Variants in RFTN2 observed in about 807,000 individuals in gnomAD.
The protein encoded by RFTN2 is raftlin-2.
A neutral mutation model predicts 52.7 loss-of-function variants in RFTN2; 34 were observed. That is an observed-to-expected ratio of 0.64 (90% CI 0.49 to 0.86). The LOEUF is 0.86. Ranked by LOEUF, RFTN2 falls within the 40% of genes least tolerant of loss-of-function variation. The pLI is 0.00. For missense variants in RFTN2, 536 were observed against 600.1 expected, an observed-to-expected ratio of 0.89 and a Z score of 1.12; for synonymous variants, 203 against 217.7, an observed-to-expected ratio of 0.93 and a Z score of 0.59.
rs185067086 is a variant in RFTN2, at chr2:197,590,806, G to A, written c.1233+5185C>T. On this transcript the variant is annotated intron_variant, in intron 8 of 8. Coordinates refer to ENST00000295049, the MANE Select transcript of RFTN2 (RefSeq NM_144629.3). ...GTTCCTCCCGGTGGGTTCGTGGTCT[G>A]GCTGGCTTCAGGCGTGAAGCTGCAG... is the stretch of plus-strand genomic sequence containing the variant. Among the ~76,000 whole-genome samples, 154 of 152,300 alleles carry A rather than the reference G, an allele frequency of 1.0e-3. 2 individuals are homozygous for A. Among genetic ancestry groups the A allele is most frequent in the South Asian group, 2.1e-3 (10 of 4,826 alleles).
At chr2:197,634,576 T>C (rs961864131) in intron 3 of RFTN2, among the ~76,000 whole-genome samples, 4 of 152,086 alleles carry the variant, frequency 2.6e-5, no homozygotes, top group Admixed American at 1.3e-4. Flanking sequence ...TTGTCTCCTA[T>C]GTGGGCCAAA....
At chr2:197,605,802 AT>A (rs1218250437) in intron 7 of RFTN2, among the ~76,000 whole-genome samples, 1 of 152,108 alleles carries the variant, frequency 6.6e-6, no homozygotes, top group Non-Finnish European at 1.5e-5. Context: ...GAGGAAAATC[AT>A]TTACTATTCC....
intron 1 of RFTN2, among the ~76,000 whole-genome samples, chr2:197,664,285 C>A (rs912152529): frequency 1.3e-5 from 2 of 151,584 alleles, no homozygotes; most frequent in African/African-American, 4.9e-5. Flanking sequence ...CCAGCCTGGG[C>A]AACATGGCAA....
intron 7 of RFTN2, among the ~76,000 whole-genome samples, chr2:197,605,163 T>TA (rs758083003): frequency 1.3e-5 from 2 of 152,256 alleles, no homozygotes; most frequent in African/African-American, 4.8e-5. Flanking sequence ...TTATACATGA[T>TA]AAAAAAGCTC....
intron 6 of RFTN2, 70 bp from the exon 7 acceptor site, chr2:197,616,049 G>A (rs188135361): frequency 1.5e-4 from 135 of 890,720 alleles, no homozygotes; most frequent in Non-Finnish European, 2.2e-4. Flanking sequence ...ACAACAAAGG[G>A]TGATGCGTGT....
At chr2:197,591,556 ACTC>A (rs1476960091) in intron 8 of RFTN2, among the ~76,000 whole-genome samples, 3 of 151,900 alleles carry the variant, frequency 2.0e-5, no homozygotes, top group Non-Finnish European at 4.4e-5. Flanking sequence ...GTGTGCCCAT[ACTC>A]CTCAGCCCTT....
chr2:197,665,644 A>C (rs2089045466), intron 1 of RFTN2, among the ~76,000 whole-genome samples: 1 of 150,038 alleles, frequency 6.7e-6, no homozygotes, highest in African/African-American at 2.5e-5. Context: ...CTTTACTTTC[A>C]GTCTGTATGT....
chr2:197,591,483 C>G (rs1487477202), intron 8 of RFTN2, among the ~76,000 whole-genome samples: 1 of 152,248 alleles, frequency 6.6e-6, no homozygotes, highest in African/African-American at 2.4e-5. Flanking sequence ...AGGAGCTCAG[C>G]TGGCTTCACC....
intron 1 of RFTN2, among the ~76,000 whole-genome samples, chr2:197,654,246 C>T (rs1480228877): frequency 4.6e-5 from 7 of 152,060 alleles, no homozygotes; most frequent in Admixed American, 3.3e-4. Flanking sequence ...ATTAGCTGAG[C>T]GTGATTGCAC....
At chr2:197,617,959 T>C (rs1263784540) in intron 5 of RFTN2, 38 bp from the exon 6 acceptor site, 1 of 1,506,066 alleles carries the variant, frequency 6.6e-7, no homozygotes, top group Non-Finnish European at 8.9e-7. Flanking sequence ...GGGTTGTAAA[T>C]ACTAAGTGGC....
chr2:197,604,779 G>T (rs1409955572), intron 7 of RFTN2, among the ~76,000 whole-genome samples: 4 of 148,610 alleles, frequency 2.7e-5, no homozygotes, highest in African/African-American at 9.9e-5. Flanking sequence ...TATTTATTTT[G>T]AGACAGAGCC....
At chr2:197,598,710 C>A (rs1214350116) in intron 7 of RFTN2, among the ~76,000 whole-genome samples, 1 of 152,166 alleles carries the variant, frequency 6.6e-6, no homozygotes, top group East Asian at 1.9e-4. Flanking sequence ...CTCCATTTCA[C>A]CAGGCTGCCC....
At chr2:197,585,132 C>G (rs771850424) in intron 8 of RFTN2, among the ~76,000 whole-genome samples, 2 of 152,192 alleles carry the variant, frequency 1.3e-5, no homozygotes, top group Middle Eastern at 3.2e-3. Flanking sequence ...TCTCCTACTT[C>G]GCTTAAACTC....
At chr2:197,634,967 A>G (rs1020293581) in intron 3 of RFTN2, among the ~76,000 whole-genome samples, 37 of 122,280 alleles carry the variant, frequency 3.0e-4, no homozygotes, top group Non-Finnish European at 5.1e-5. Flanking sequence ...ATTCCCACCT[A>G]TGAGTGAGAA....
chr2:197,643,169 T>A (rs1312959017), intron 3 of RFTN2, among the ~76,000 whole-genome samples: 1 of 152,144 alleles, frequency 6.6e-6, no homozygotes, highest in Admixed American at 6.5e-5. Context: ...CACTGCAGGC[T>A]CACTTCTAGG....
chr2:197,585,726 T>G (rs927033109), intron 8 of RFTN2, among the ~76,000 whole-genome samples: 15 of 152,032 alleles, frequency 9.9e-5, no homozygotes, highest in Non-Finnish European at 4.4e-5. Context: ...ATCTCCTGTC[T>G]CCCTACACCT....
intron 5 of RFTN2, among the ~76,000 whole-genome samples, chr2:197,620,650 T>A (rs2088248070): frequency 1.3e-5 from 2 of 152,228 alleles, no homozygotes; most frequent in Admixed American, 6.5e-5. Context: ...CATGAAGAAT[T>A]TGCATTGTTC....
intron 1 of RFTN2, among the ~76,000 whole-genome samples, chr2:197,670,538 A>T (rs1431673809): frequency 6.6e-6 from 1 of 151,942 alleles, no homozygotes; most frequent in African/African-American, 2.4e-5. Flanking sequence ...TAAGCCAGGC[A>T]TGGTGGCACA....
intron 5 of RFTN2, among the ~76,000 whole-genome samples, chr2:197,618,237 C>A (rs893548809): frequency 6.6e-6 from 1 of 152,054 alleles, no homozygotes; most frequent in Non-Finnish European, 1.5e-5. Flanking sequence ...AGGCGCGCGC[C>A]GCCACGCCTG....
Sources: allele counts gnomAD v4.1 joint callset (sites outside exome capture counted in the v4.1 genomes callset), GRCh38; gene constraint gnomAD v4.1.1; transcripts MANE v1.5; gene names NCBI Gene and HGNC (gene_info 2026-07-23, HGNC 2026-07-21).